Variants in CLPB observed in about 807,000 individuals in gnomAD.
CLPB encodes the protein mitochondrial disaggregase.
Under a neutral mutation model 78.4 loss-of-function variants are expected in CLPB, and 40 were observed. That is an observed-to-expected ratio of 0.51 (90% CI 0.40 to 0.66). CLPB has a LOEUF of 0.66. Among genes scored for constraint, CLPB ranks in the 30% least tolerant of loss-of-function variants. The probability of loss-of-function intolerance (pLI) is 0.00; values close to 1 mark genes in which losing one functional copy is unlikely to be tolerated. For synonymous variants in CLPB, 333 were observed against 348.0 expected, an observed-to-expected ratio of 0.96 and a Z score of 0.48; for missense variants, 780 against 886.9, an observed-to-expected ratio of 0.88 and a Z score of 1.53.
At chr11:72,386,321 AG>A (rs1207723470) in intron 3 of CLPB, among the ~76,000 whole-genome samples, 1 of 152,130 alleles carries the variant, frequency 6.6e-6, no homozygotes, top group African/African-American at 2.4e-5. Flanking sequence ...TCTTTCTCTT[AG>A]GGTGTCTATC....
chr11:72,356,282 TAAAAAAAAA>T (rs375776547), intron 5 of CLPB, among the ~76,000 whole-genome samples: 2 of 136,742 alleles, frequency 1.5e-5, no homozygotes, highest in African/African-American at 5.5e-5. Flanking sequence ...CTGTCTCAAT[TAAAAAAAAA>T]AAAAAAAGCC....
intron 11 of CLPB, among the ~76,000 whole-genome samples, chr11:72,301,040 C>T (rs749663407): frequency 3.9e-5 from 6 of 152,314 alleles, no homozygotes; most frequent in Non-Finnish European, 7.4e-5. Context: ...TTTATAACCT[C>T]TCTGAACCTC....
chr11:72,328,583 A>G (rs1234610145), intron 6 of CLPB, among the ~76,000 whole-genome samples: 3 of 152,212 alleles, frequency 2.0e-5, no homozygotes, highest in Non-Finnish European at 4.4e-5. Context: ...CTTGGACTCA[A>G]GACAGAGAAT....
intron 3 of CLPB, among the ~76,000 whole-genome samples, chr11:72,393,789 T>C (rs1855323320): frequency 6.6e-6 from 1 of 152,240 alleles, no homozygotes; most frequent in African/African-American, 2.4e-5. Context: ...CACGTTGGGT[T>C]TTACAGTTGG....
chr11:72,291,979 C>T lies in CLPB; in HGVS notation c.*1388G>A, dbSNP rs1949458396. The T allele has an allele frequency of 1.4e-5, 2 of 141,282 alleles. No homozygotes were observed. Among genetic ancestry groups the T allele is most frequent in the Non-Finnish European group, 3.0e-5 (2 of 66,522 alleles). 8.8% of individuals were successfully genotyped at this position (141,282 alleles called of 1,614,324 possible). A position where few individuals can be genotyped will look rare whatever the true frequency, so the allele number is the denominator to read the frequency against. The stretch of plus-strand genomic sequence containing the variant: ...AATGGCGTGAACCTGGGAGGCAGGG[C>T]TTGCAGTGAGCCGAGATCGCGCCAC... On this transcript the variant is annotated 3_prime_UTR_variant, in exon 16 of 16. Transcript: ENST00000538039.
chr11:72,408,439 G>A (rs1255488036), intron 2 of CLPB, among the ~76,000 whole-genome samples: 4 of 152,132 alleles, frequency 2.6e-5, no homozygotes, highest in African/African-American at 9.7e-5. Flanking sequence ...AGGCCAAGGT[G>A]AGTGGATCAT....
At chr11:72,417,729 G>A (rs1268817490) in intron 2 of CLPB, among the ~76,000 whole-genome samples, 3 of 152,178 alleles carry the variant, frequency 2.0e-5, no homozygotes, top group Admixed American at 1.3e-4. Context: ...CATCAGAGAA[G>A]CTAAAGTGGG....
intron 5 of CLPB, among the ~76,000 whole-genome samples, chr11:72,335,998 T>C (rs899893217): frequency 1.3e-5 from 2 of 152,100 alleles, no homozygotes; most frequent in African/African-American, 4.8e-5. Context: ...GTACCCTCTA[T>C]GCTCTGTAGG....
intron 3 of CLPB, among the ~76,000 whole-genome samples, chr11:72,396,941 G>A (rs569470954): frequency 3.3e-5 from 5 of 152,156 alleles, no homozygotes; most frequent in Admixed American, 6.5e-5. Flanking sequence ...CATTTACACA[G>A]AGTAAAATTC....
Position 72,286,019 on chromosome 11 carries a change from C to T in CLPB, c.*7348G>A, listed in dbSNP as rs554849192. On this transcript the variant is annotated 3_prime_UTR_variant, in exon 16 of 16. Transcript: ENST00000538039. Reference sequence around the variant, plus strand: ...CGATCTCATCTCACAGCAACCTCCACCTCCTGAGCTCCAGTTATATTCCCA... The same window carrying T: ...CGATCTCATCTCACAGCAACCTCCATCTCCTGAGCTCCAGTTATATTCCCA... The T allele has an allele frequency of 3.3e-5, 5 of 150,372 alleles. No individual in the cohort carries two copies. Among genetic ancestry groups the T allele is most frequent in the Admixed American group, 3.3e-4 (5 of 15,100 alleles). The allele number at this position is 150,372 out of a possible 1,614,324, so 9.3% of individuals were successfully genotyped here.
chr11:72,384,504 G>A (rs1297123573), intron 3 of CLPB, among the ~76,000 whole-genome samples: 3 of 151,960 alleles, frequency 2.0e-5, no homozygotes, highest in African/African-American at 4.8e-5. Flanking sequence ...AAAGGAAGAC[G>A]GCAAGAGAGG....
At chr11:72,331,403 CA>C (rs748381781) in intron 5 of CLPB, among the ~76,000 whole-genome samples, 2,087 of 114,294 alleles carry the variant, frequency 0.018, 40 homozygotes, top group African/African-American at 0.054. Context: ...GACTCTGTCT[CA>C]AAAAAAAAAA....
chr11:72,302,433 C>T (rs1290670203), intron 9 of CLPB, 85 bp from the exon 10 acceptor site: 1 of 1,179,654 alleles, frequency 8.5e-7, no homozygotes, highest in East Asian at 2.3e-5. Flanking sequence ...CTCAACTATC[C>T]CCAAGGCTTT....
intron 5 of CLPB, among the ~76,000 whole-genome samples, 172 bp from the exon 6 acceptor site, chr11:72,329,976 G>A (rs1178194383): frequency 3.3e-5 from 5 of 152,102 alleles, no homozygotes; most frequent in Admixed American, 1.3e-4. Context: ...ACACATGTTC[G>A]ATAACATACT....
chr11:72,383,052 A>C, intron 3 of CLPB, among the ~76,000 whole-genome samples: 1 of 151,646 alleles, frequency 6.6e-6, no homozygotes, highest in Non-Finnish European at 1.5e-5. Context: ...CTGGAGCTGA[A>C]AAATACAATG....
chr11:72,308,706 G>T, intron 7 of CLPB, 102 bp from the exon 8 acceptor site: 3 of 1,051,286 alleles, frequency 2.9e-6, no homozygotes, highest in Non-Finnish European at 4.4e-6. Context: ...ATGTTTTACT[G>T]CTCTGCGCCC....
intron 2 of CLPB, among the ~76,000 whole-genome samples, chr11:72,409,359 A>T (rs1021281035): frequency 1.3e-5 from 2 of 151,622 alleles, no homozygotes; most frequent in African/African-American, 4.9e-5. Flanking sequence ...CGAGGTGAAC[A>T]GACCACCTAA....
chr11:72,293,512 A>G lies in CLPB; in HGVS notation c.1889T>C (p.Leu630Pro). 3 of 1,614,062 alleles carry G rather than the reference A, an allele frequency of 1.9e-6. No individual in the cohort carries two copies. Among genetic ancestry groups the G allele is most frequent in the South Asian group, 1.1e-5 (1 of 91,070 alleles). ...RITVEDSDKQ[L>P]LKSPELPSPQ... is the part of the protein sequence containing the mutation. ...TGAGGGCAGTTCTGGGCTTTTGAGTAGCTGCTTGTCTGAGTCCTCCACCGT... is the reference window on the plus strand; with the variant it reads ...TGAGGGCAGTTCTGGGCTTTTGAGTGGCTGCTTGTCTGAGTCCTCCACCGT... The change falls in exon 16 of 16, where the codon CTA (leucine) becomes CCA (proline). Residue 630 changes from leucine (L) to proline (P), a missense_variant. Transcript: ENST00000538039.
At chr11:72,324,594 A>G (rs1950099831) in intron 6 of CLPB, among the ~76,000 whole-genome samples, 1 of 152,152 alleles carries the variant, frequency 6.6e-6, no homozygotes, top group Admixed American at 6.6e-5. Context: ...AAATAAATAA[A>G]AGTTAAAAAA....
Sources: allele counts gnomAD v4.1 joint callset (sites outside exome capture counted in the v4.1 genomes callset), GRCh38; gene constraint gnomAD v4.1.1; transcripts MANE v1.5; gene names NCBI Gene and HGNC (gene_info 2026-07-23, HGNC 2026-07-21).